Variants in GK observed in about 807,000 individuals in gnomAD.
The protein encoded by GK is glycerol kinase, also known as ATP:glycerol 3-phosphotransferase.
GK carries 9 observed loss-of-function variants against 56.4 expected under a neutral mutation model. The ratio of observed to expected loss-of-function variants is 0.16; its 90% confidence interval spans 0.10 to 0.28. The LOEUF (loss-of-function observed/expected upper bound fraction) is 0.28, where lower values mean the gene tolerates loss of function less well. Among genes scored for constraint, GK ranks in the 10% least tolerant of loss-of-function variants. GK has a pLI of 1.00. For synonymous variants in GK, 104 were observed against 144.1 expected (o/e 0.72, Z 1.99); for missense variants, 161 against 431.4 (o/e 0.37, Z 5.55).
intron 11 of GK, among the ~76,000 whole-genome samples, chrX:30,706,041 C>G (rs184903650): frequency 7.5e-4 from 84 of 111,916 alleles, no homozygotes; most frequent in Admixed American, 7.5e-3. Context: ...AAACATGTAG[C>G]TTTTTCAGTG....
chrX:30,719,390 TTTTTG>T (rs770126306), intron 14 of GK, 24 bp from the exon 15 acceptor site: 11 of 883,120 alleles, frequency 1.2e-5, no homozygotes, highest in South Asian at 2.0e-5. Flanking sequence ...ATTTGTGTGA[TTTTTG>T]TTTTGTTTTG....
At chrX:30,663,297 G>A (rs1932844104) in intron 1 of GK, among the ~76,000 whole-genome samples, 1 of 112,061 alleles carries the variant, frequency 8.9e-6, no homozygotes, top group Non-Finnish European at 1.9e-5. Flanking sequence ...CTGCACATAA[G>A]TGTTTCTCAT....
In GK at chrX:30,700,433, G is replaced by A; in HGVS notation, c.767G>A (p.Gly256Asp). The change falls in exon 10 of 21, where the codon GGT (glycine) becomes GAT (aspartate). Residue 256 changes from glycine (G) to aspartate (D), a missense_variant. Gly to Asp is a moderately conservative substitution (Grantham distance 94, BLOSUM62 -1). Transcript: ENST00000427190. ...TATTAGAAAGCTGGGGCCTTGGAAG[G>A]TGTGCCAATATCTGGGGTAAGTTTC... ...SHSVKAGALE[G>D]VPISGCLGDQ... 2 of 1,201,190 alleles carry A rather than the reference G, an allele frequency of 1.7e-6. No individual in the cohort carries two copies. Among genetic ancestry groups the A allele is most frequent in the South Asian group, 1.8e-5 (1 of 56,503 alleles).
At chrX:30,682,534 C>T (rs1934337268) in intron 4 of GK, among the ~76,000 whole-genome samples, 2 of 112,091 alleles carry the variant, frequency 1.8e-5, no homozygotes, top group Non-Finnish European at 3.8e-5. Flanking sequence ...TCCAGGAAAA[C>T]TCTAAAGTGT....
At position 30,719,351 on chromosome X, in the gene GK, A is replaced by G. The variant is rs768412620; in HGVS notation, c.1055-68A>G. 25 of 697,608 alleles carry G rather than the reference A, an allele frequency of 3.6e-5. No individual in the cohort carries two copies. The East Asian group carries it at 6.5e-4, about 18-fold the overall frequency. The allele number at this position is 697,608 out of a possible 1,213,427, so 57.5% of individuals were successfully genotyped here. A position where few individuals can be genotyped will look rare whatever the true frequency, so the allele number is the denominator to read the frequency against. ...TGTCCTAATTTTTCTAATTTTTAAA[A>G]TAGGTATGCTTATATAATAATACAC... On this transcript the variant is annotated intron_variant, in intron 14 of 20. Coordinates refer to ENST00000427190, the MANE Select transcript of GK (RefSeq NM_001205019.2).
At chrX:30,714,290 C>T (rs1936501311) in intron 13 of GK, among the ~76,000 whole-genome samples, 1 of 111,811 alleles carries the variant, frequency 8.9e-6, no homozygotes, top group South Asian at 3.7e-4. Flanking sequence ...TTTCTCAGTT[C>T]CCATGGGTTC....
At chrX:30,702,433 A>G (rs111708523) in intron 11 of GK, among the ~76,000 whole-genome samples, 6,012 of 112,871 alleles carry the variant, frequency 0.053, 173 homozygotes, top group Non-Finnish European at 0.077. Flanking sequence ...AATTAATACT[A>G]ACAATTATAA....
chrX:30,726,091 C>T (rs1937116977), intron 19 of GK, among the ~76,000 whole-genome samples: 1 of 111,077 alleles, frequency 9.0e-6, no homozygotes, highest in South Asian at 3.8e-4. Context: ...TCATTTTTCC[C>T]TTGTTTGTGT....
intron 3 of GK, among the ~76,000 whole-genome samples, chrX:30,669,287 A>G (rs1055375814): frequency 9.3e-6 from 1 of 107,513 alleles, no homozygotes; most frequent in Admixed American, 1.0e-4. Context: ...GGTTCAAGCA[A>G]TTCTCCTGCC....
At chrX:30,719,117 A>C (rs918921510) in intron 14 of GK, among the ~76,000 whole-genome samples, 1 of 111,498 alleles carries the variant, frequency 9.0e-6, no homozygotes, top group African/African-American at 3.2e-5. Context: ...ACTAGAGGCC[A>C]CTTTTTCATC....
intron 13 of GK, among the ~76,000 whole-genome samples, chrX:30,709,659 C>T (rs1936219755): frequency 9.0e-6 from 1 of 111,279 alleles, no homozygotes; most frequent in African/African-American, 3.3e-5. Flanking sequence ...GCCTCTCCTA[C>T]CATAAGCACT....
chrX:30,724,028 T>G, intron 18 of GK, 73 bp from the exon 19 acceptor site: 1 of 628,183 alleles, frequency 1.6e-6, no homozygotes, highest in Non-Finnish European at 2.7e-6. Flanking sequence ...TGTTGAGTGA[T>G]CATAAGTATG....
rs768795719 is a variant in GK at position 30,656,003 on chromosome X, A to G, written c.78+2388A>G. Reference sequence around the variant, plus strand: ...ATGATTTTATAAAAGTTGATCAGTAAAATTGTCCTCTCCTTGAGAAACAAC... The same window carrying G: ...ATGATTTTATAAAAGTTGATCAGTAGAATTGTCCTCTCCTTGAGAAACAAC... On this transcript the variant is annotated intron_variant, in intron 1 of 20. Coordinates refer to ENST00000427190, the MANE Select transcript of GK (RefSeq NM_001205019.2). 6.2e-5 allele frequency among the ~76,000 whole-genome samples: 7 copies of G among 112,243 alleles called. No homozygotes were observed. In the South Asian group the frequency reaches 2.2e-3, roughly 35 times the overall value.
At chrX:30,708,611 T>C (rs1275431108) in intron 13 of GK, among the ~76,000 whole-genome samples, 1 of 111,421 alleles carries the variant, frequency 9.0e-6, no homozygotes, top group Non-Finnish European at 1.9e-5. Flanking sequence ...AGTGAGGAGA[T>C]TTATGCCACT....
intron 3 of GK, among the ~76,000 whole-genome samples, chrX:30,673,847 A>C (rs934493295): frequency 6.3e-5 from 7 of 111,655 alleles, no homozygotes; most frequent in African/African-American, 2.3e-4. Context: ...TTGATGGTAA[A>C]ATTAACATAG....
At chrX:30,720,572 T>C (rs756340614) in intron 16 of GK, 49 bp from the exon 17 acceptor site, 24 of 1,104,257 alleles carry the variant, frequency 2.2e-5, no homozygotes, top group Non-Finnish European at 2.9e-5. Context: ...TTTTCAGAGA[T>C]GTTACTATGA....
At chrX:30,656,606 C>G (rs111321353) in intron 1 of GK, among the ~76,000 whole-genome samples, 264 of 111,130 alleles carry the variant, frequency 2.4e-3, no homozygotes, top group African/African-American at 8.0e-3. Context: ...AATTCCCCCC[C>G]CTTCCTACAG....
chrX:30,677,982 C>T (rs779974068), intron 4 of GK: 18 of 547,763 alleles, frequency 3.3e-5, no homozygotes, highest in Non-Finnish European at 6.0e-5. Flanking sequence ...CCCATGCTCT[C>T]TCCTCTTGCA....
At position 30,720,991 on chromosome X, in the gene GK, G is replaced by A. The variant is rs766338699; in HGVS notation, c.1497G>A (p.Ala499=). Residue 499 remains alanine (A), a synonymous_variant, in exon 18 of 21, where the codon GCG becomes GCA. Coordinates refer to ENST00000427190, the MANE Select transcript of GK (RefSeq NM_001205019.2). ...AGCGGTTTGAACCTCAGATTAATGC[G>A]GAGGGTACATTTAAAGAATGAAATG... ...TMERFEPQIN[A]EESEIRYSTW... The A allele has an allele frequency of 6.0e-5, 73 of 1,206,660 alleles. No homozygotes were observed. Among genetic ancestry groups the A allele is most frequent in the Non-Finnish European group, 7.7e-5 (69 of 892,252 alleles).
Sources: allele counts gnomAD v4.1 joint callset (sites outside exome capture counted in the v4.1 genomes callset), GRCh38; gene constraint gnomAD v4.1.1; transcripts MANE v1.5; gene names NCBI Gene and HGNC (gene_info 2026-07-23, HGNC 2026-07-21).